Variants in VSIG4 observed in about 807,000 individuals in gnomAD.
VSIG4 encodes the protein V-set and immunoglobulin domain-containing protein 4.
Under a neutral mutation model 23.4 loss-of-function variants are expected in VSIG4, and 34 were observed. That is an observed-to-expected ratio of 1.45 (90% CI 1.10 to 1.93). The LOEUF (loss-of-function observed/expected upper bound fraction) is 1.93. Among genes scored for constraint, VSIG4 ranks in the 30% most tolerant of loss-of-function variants. The probability of loss-of-function intolerance (pLI) is 0.00; values close to 1 mark genes in which losing one functional copy is unlikely to be tolerated. For synonymous variants in VSIG4, 169 were observed against 120.3 expected (o/e 1.41, Z -2.65); for missense variants, 433 against 310.8 (o/e 1.39, Z -2.96).
In VSIG4 at chrX:66,033,625, A is replaced by G; in HGVS notation, c.261T>C (p.His87=). The G allele has an allele frequency of 8.3e-7, 1 of 1,211,488 alleles. No individual in the cohort carries two copies. The highest frequency in any genetic ancestry group is 1.8e-5 in the South Asian group (1 of 56,953). Residue 87 remains histidine (H), a synonymous_variant, in exon 2 of 8, where the codon CAT becomes CAC. Coordinates refer to ENST00000374737, the MANE Select transcript of VSIG4 (RefSeq NM_007268.3). ...IQQAKYQGRL[H]VSHKVPGDVS... Reference sequence around the variant, plus strand: ...CATCTCCTGGAACCTTGTGGCTCACATGCAGGCGGCCCTGGTACTTTGCCT... The same window carrying G: ...CATCTCCTGGAACCTTGTGGCTCACGTGCAGGCGGCCCTGGTACTTTGCCT...
rs2085477639 is a variant in VSIG4 at position 66,032,651 on chromosome X, G to C, written c.511C>G (p.Pro171Ala). 2 of 1,209,515 alleles carry C rather than the reference G, an allele frequency of 1.7e-6. No individual in the cohort carries two copies. The highest frequency in any genetic ancestry group is 3.5e-5 in the African/African-American group (2 of 57,038). ...ISLQCQARGS[P>A]PISYIWYKQQ... ...TTATACCAAATATAACTGATGGGAG[G>C]AGAACCCCGAGCCTGGCATTGAAGG... Residue 171 changes from proline (P) to alanine (A), a missense_variant, in exon 3 of 8, where the codon CCT (proline) becomes GCT (alanine). Physicochemically the swap from Pro to Ala is conservative, Grantham distance 27. Coordinates refer to ENST00000374737, the MANE Select transcript of VSIG4 (RefSeq NM_007268.3).
chrX:66,022,515 C>T lies in VSIG4; in HGVS notation c.963-15G>A, dbSNP rs1418197543. On this transcript the variant is annotated splice_polypyrimidine_tract_variant and intron_variant, in intron 7 of 7. Coordinates refer to ENST00000374737, the MANE Select transcript of VSIG4 (RefSeq NM_007268.3). Reference sequence around the variant, plus strand: ...TGGCATGTGCCCTATGGCCCAAGAGCCCACCACCCATAAGAAGGGACTTGG... The same window carrying T: ...TGGCATGTGCCCTATGGCCCAAGAGTCCACCACCCATAAGAAGGGACTTGG... 5.9e-5 allele frequency: 71 copies of T among 1,207,394 alleles called. No individual in the cohort carries two copies. The highest frequency in any genetic ancestry group is 7.9e-5 in the Non-Finnish European group (71 of 893,952).
chrX:66,029,300 G>T (rs754037082), intron 3 of VSIG4, among the ~76,000 whole-genome samples: 1 of 111,485 alleles, frequency 9.0e-6, no homozygotes, highest in East Asian at 2.8e-4. Flanking sequence ...AGCAAAAATT[G>T]TTCAGTCTAT....
chrX:66,028,793 C>T (rs1489131952), intron 3 of VSIG4, among the ~76,000 whole-genome samples: 4 of 109,762 alleles, frequency 3.6e-5, no homozygotes, highest in Non-Finnish European at 5.7e-5. Flanking sequence ...TGAATAATTG[C>T]CATTATTTGG....
Position 66,022,866 on chromosome X carries a change from G to GA in VSIG4, c.941-5dup, listed in dbSNP as rs1320833345. 3.3e-6 allele frequency: 4 copies of GA among 1,209,083 alleles called. No individual in the cohort carries two copies. Among genetic ancestry groups the GA allele is most frequent in the Admixed American group, 2.2e-5 (1 of 45,706 alleles). Reference sequence around the variant, plus strand: ...CTGGCTGCTTCGTAGACATGCTCTAGAAAAAAAGGAGGAATCATGTCAGAA... The same window carrying GA: ...CTGGCTGCTTCGTAGACATGCTCTAGAAAAAAAAGGAGGAATCATGTCAGAA... On this transcript the variant is annotated splice_polypyrimidine_tract_variant and splice_region_variant and intron_variant, in intron 6 of 7. Transcript: ENST00000374737.
chrX:66,032,616 A>G lies in VSIG4; in HGVS notation c.546T>C (p.Thr182=). The G allele has an allele frequency of 8.3e-7, 1 of 1,211,450 alleles. No homozygotes were observed. Among genetic ancestry groups the G allele is most frequent in the Non-Finnish European group, 1.1e-6 (1 of 895,403 alleles). Residue 182 remains threonine (T), a synonymous_variant, in exon 3 of 8, where the codon ACT becomes ACC. Coordinates refer to ENST00000374737, the MANE Select transcript of VSIG4 (RefSeq NM_007268.3). Reference sequence around the variant, plus strand: ...CTACTTTGATGGGTTCCTGGTTATTAGTCTGTTGCTTATACCAAATATAAC... The same window carrying G: ...CTACTTTGATGGGTTCCTGGTTATTGGTCTGTTGCTTATACCAAATATAAC... ...PISYIWYKQQ[T]NNQEPIKVAT...
chrX:66,034,259 C>G, intron 1 of VSIG4, among the ~76,000 whole-genome samples: 1 of 112,221 alleles, frequency 8.9e-6, no homozygotes, highest in South Asian at 3.7e-4. Flanking sequence ...AGCAAAAATG[C>G]TAAGCATTTG....
chrX:66,032,588 T>C lies in VSIG4; in HGVS notation c.574A>G (p.Thr192Ala). The change falls in exon 3 of 8, where the codon ACC (threonine) becomes GCC (alanine). Residue 192 changes from threonine to alanine, a missense_variant. Transcript: ENST00000374737. Reference sequence around the variant, plus strand: ...GGCTTGAAGAGTAAGGTACTTAGGGTTGCTACTTTGATGGGTTCCTGGTTA... The same window carrying C: ...GGCTTGAAGAGTAAGGTACTTAGGGCTGCTACTTTGATGGGTTCCTGGTTA... ...TNNQEPIKVA[T>A]LSTLLFKPAV... The C allele has an allele frequency of 1.7e-6, 2 of 1,211,138 alleles. No individual in the cohort carries two copies. The highest frequency in any genetic ancestry group is 1.1e-6 in the Non-Finnish European group (1 of 895,290).
intron 3 of VSIG4, 100 bp from the exon 4 acceptor site, chrX:66,028,212 A>G (rs927447329): frequency 5.5e-5 from 39 of 705,401 alleles, no homozygotes; most frequent in Non-Finnish European, 8.5e-5. Flanking sequence ...ATTCAGGTCC[A>G]TACTTGGACC....
chrX:66,021,930 C>T lies in VSIG4; in HGVS notation c.*333G>A. The T allele has an allele frequency of 1.7e-6, 1 of 605,560 alleles. No homozygotes were observed. The highest frequency in any genetic ancestry group is 2.5e-6 in the Non-Finnish European group (1 of 403,096). 49.9% of individuals were successfully genotyped at this position (605,560 alleles called of 1,213,427 possible). A position where few individuals can be genotyped will look rare whatever the true frequency, so the allele number is the denominator to read the frequency against. On this transcript the variant is annotated 3_prime_UTR_variant, in exon 8 of 8. Coordinates refer to ENST00000374737, the MANE Select transcript of VSIG4 (RefSeq NM_007268.3). ...TGGCAGAGCTGAGCCTCCCTCGGGT[C>T]TTCTGGTGGCAAGATGCCAAAGTTG...
chrX:66,032,247 C>G (rs1305829071), intron 3 of VSIG4, among the ~76,000 whole-genome samples: 2 of 111,943 alleles, frequency 1.8e-5, no homozygotes, highest in Admixed American at 9.5e-5. Flanking sequence ...TAGTAAATCT[C>G]TCTTTCCTTT....
At chrX:66,036,990 A>AATATAATATATCATATAATATATCATATC (rs2085580654) in intron 1 of VSIG4, among the ~76,000 whole-genome samples, 11 of 23,516 alleles carry the variant, frequency 4.7e-4, no homozygotes, top group Admixed American at 1.6e-3. Context: ...TATATCATAT[A>AATATAATATATCATATAATATATCATATC]ATATAATATA....
At chrX:66,026,270 T>C (rs764029372) in intron 5 of VSIG4, among the ~76,000 whole-genome samples, 309 of 112,112 alleles carry the variant, frequency 2.8e-3, no homozygotes, top group African/African-American at 9.6e-3. Context: ...TATCGTGTCC[T>C]AGGAATCCAG....
intron 2 of VSIG4, 25 bp downstream of exon 2, chrX:66,033,449 C>T (rs186580362): frequency 8.1e-4 from 927 of 1,141,588 alleles, no homozygotes; most frequent in South Asian, 5.1e-3. Context: ...ATTATCAGTG[C>T]TTTCCTACCC....
At position 66,023,028 on chromosome X, in the gene VSIG4, A is replaced by G. The variant is rs375600820; in HGVS notation, c.941-166T>C. Among the ~76,000 whole-genome samples the G allele has an allele frequency of 4.0e-4, 45 of 111,454 alleles. 1 individual carries two copies. The South Asian group carries it at 0.016, about 41-fold the overall frequency. On this transcript the variant is annotated intron_variant, in intron 6 of 7. Coordinates refer to ENST00000374737, the MANE Select transcript of VSIG4 (RefSeq NM_007268.3). ...GGAGGTATTGGGGAGGTGAATTGAAACACAGAGATGCAAATTTATCAGGTA... is the reference window on the plus strand; with the variant it reads ...GGAGGTATTGGGGAGGTGAATTGAAGCACAGAGATGCAAATTTATCAGGTA...
At chrX:66,023,066 G>A (rs753198755) in intron 6 of VSIG4, among the ~76,000 whole-genome samples, 9 of 110,877 alleles carry the variant, frequency 8.1e-5, no homozygotes, top group African/African-American at 9.9e-5. Flanking sequence ...AGAAGGGGAA[G>A]CACATTTGGT....
At chrX:66,035,733 T>G (rs752628419) in intron 1 of VSIG4, among the ~76,000 whole-genome samples, 1 of 112,289 alleles carries the variant, frequency 8.9e-6, no homozygotes, top group African/African-American at 3.2e-5. Flanking sequence ...GAAAACTATC[T>G]GAGCCTCTTG....
intron 5 of VSIG4, among the ~76,000 whole-genome samples, chrX:66,026,665 C>G (rs1255346033): frequency 8.9e-6 from 1 of 112,209 alleles, no homozygotes; most frequent in Non-Finnish European, 1.9e-5. Context: ...TCCACTCTCT[C>G]AATTATACAC....
chrX:66,037,577 TTA>T (rs1431906255), intron 1 of VSIG4, among the ~76,000 whole-genome samples: 1 of 48,195 alleles, frequency 2.1e-5, no homozygotes, highest in Non-Finnish European at 3.6e-5. Context: ...ACTTATTATA[TTA>T]TATTACTTCC....
Sources: gnomAD v4.1 joint callset for allele counts (sites outside exome capture counted in the v4.1 genomes callset) on GRCh38, gnomAD v4.1.1 for gene constraint, MANE v1.5 for transcripts, NCBI Gene and HGNC (gene_info 2026-07-23, HGNC 2026-07-21) for gene names.